Variants in KCNAB1 observed in about 807,000 individuals in gnomAD.
KCNAB1 encodes potassium voltage-gated channel subfamily A regulatory beta subunit 1, also known as voltage-gated potassium channel subunit beta-1.
KCNAB1 carries 35 observed loss-of-function variants against 64.6 expected under a neutral mutation model. The ratio of observed to expected loss-of-function variants is 0.54; its 90% CI spans 0.41 to 0.72. The LOEUF is 0.72. Among genes scored for constraint, KCNAB1 ranks in the 30% least tolerant of loss-of-function variants. KCNAB1 has a pLI of 0.00. For missense variants in KCNAB1, 401 were observed against 512.9 expected (o/e 0.78, Z 2.11); for synonymous variants, 177 against 183.8 (o/e 0.96, Z 0.30).
At chr3:156,152,618 G>A (rs1241585569) in intron 1 of KCNAB1, among the ~76,000 whole-genome samples, 1 of 152,194 alleles carries the variant, frequency 6.6e-6, no homozygotes, top group African/African-American at 2.4e-5. Context: ...TAAGGCAGAT[G>A]AGATAGAAGC....
intron 1 of KCNAB1, among the ~76,000 whole-genome samples, chr3:156,175,313 A>G (rs1360386583): frequency 1.3e-5 from 2 of 152,184 alleles, no homozygotes; most frequent in African/African-American, 4.8e-5. Flanking sequence ...AAAGAAAAAG[A>G]AAAAATAAAA....
At chr3:156,412,484 A>C (rs1468644599) in intron 1 of KCNAB1, among the ~76,000 whole-genome samples, 1 of 152,214 alleles carries the variant, frequency 6.6e-6, no homozygotes, top group East Asian at 1.9e-4. Flanking sequence ...GAGAGTTAAG[A>C]AAGGCTTCTC....
chr3:156,517,929 C>G (rs1717665610), intron 11 of KCNAB1, among the ~76,000 whole-genome samples: 1 of 152,196 alleles, frequency 6.6e-6, no homozygotes, highest in African/African-American at 2.4e-5. Flanking sequence ...GGTCTCCTGG[C>G]TCTCAAGTTA....
Position 156,404,320 on chromosome 3 carries a change from T to C in KCNAB1, c.276-17296T>C, listed in dbSNP as rs535072381. 9.9e-5 allele frequency among the ~76,000 whole-genome samples: 15 copies of C among 152,248 alleles called. No individual in the cohort carries two copies. In the South Asian group the frequency reaches 2.3e-3, roughly 23 times the overall value. On this transcript the variant is annotated intron_variant, in intron 1 of 13. Transcript: ENST00000490337. ...TTTTTCTTTACTGCATAACTGAGTA[T>C]GCAGTTATGCTTCAACCGAGTTCTT...
intron 1 of KCNAB1, among the ~76,000 whole-genome samples, chr3:156,191,544 C>T (rs762617731): frequency 6.6e-6 from 1 of 152,280 alleles, no homozygotes; most frequent in Middle Eastern, 3.4e-3. Flanking sequence ...AATTTAAAGA[C>T]ACACAATACA....
chr3:156,511,387 G>A (rs1717201470), intron 8 of KCNAB1, among the ~76,000 whole-genome samples: 1 of 152,152 alleles, frequency 6.6e-6, no homozygotes, highest in Admixed American at 6.5e-5. Context: ...ACAGGTGTGA[G>A]CCACCGTGCC....
rs5853744 is a variant in KCNAB1, at chr3:156,213,215, C to CTT, written c.275+92342_275+92343dup. Among the ~76,000 whole-genome samples the CTT allele has an allele frequency of 3.8e-3, 545 of 142,800 alleles. 4 individuals are homozygous for CTT. Among genetic ancestry groups the CTT allele is most frequent in the African/African-American group, 8.6e-3 (334 of 38,854 alleles). The allele number at this position is 142,800 out of a possible 152,430, so 93.7% of individuals were successfully genotyped here. A position where few individuals can be genotyped will look rare whatever the true frequency, so the allele number is the denominator to read the frequency against. On this transcript the variant is annotated intron_variant, in intron 1 of 13. Transcript: ENST00000490337. Reference sequence around the variant, plus strand: ...TGTGGAGTCCTATCAGTCTCTTTCACTTTTTTTTTTTTTTGTCTTTTGAGA... The same window carrying CTT: ...TGTGGAGTCCTATCAGTCTCTTTCACTTTTTTTTTTTTTTTTGTCTTTTGAGA...
At chr3:156,473,758 C>T (rs1441493997) in intron 7 of KCNAB1, among the ~76,000 whole-genome samples, 1 of 152,116 alleles carries the variant, frequency 6.6e-6, no homozygotes, top group African/African-American at 2.4e-5. Context: ...CCTCATTTAA[C>T]ATGCAATTAA....
chr3:156,129,373 T>TAAA (rs1713863136), intron 1 of KCNAB1, among the ~76,000 whole-genome samples: 2 of 152,258 alleles, frequency 1.3e-5, no homozygotes, highest in Non-Finnish European at 2.9e-5. Flanking sequence ...TAGCCTTAGC[T>TAAA]ATACAGCTTA....
At chr3:156,143,569 G>GGTTTTTTTT in intron 1 of KCNAB1, 4 of 292,188 alleles carry the variant, frequency 1.4e-5, no homozygotes, top group Non-Finnish European at 1.8e-5. Flanking sequence ...TTGCATTCTT[G>GGTTTTTTTT]TTTTTTTTTT....
chr3:156,354,334 G>T (rs1725088802), intron 1 of KCNAB1, among the ~76,000 whole-genome samples: 1 of 150,922 alleles, frequency 6.6e-6, no homozygotes, highest in Non-Finnish European at 1.5e-5. Flanking sequence ...AGCTAATTTT[G>T]TATTTTTAGT....
chr3:156,376,170 G>T (rs995718384), intron 1 of KCNAB1, among the ~76,000 whole-genome samples: 15 of 152,222 alleles, frequency 9.9e-5, no homozygotes, highest in African/African-American at 3.4e-4. Flanking sequence ...TATGTATGGG[G>T]CTTTATGCCA....
At position 156,457,649 on chromosome 3, in the gene KCNAB1, C is replaced by T. The variant is rs1210421967; in HGVS notation, c.437+117C>T. The T allele has an allele frequency of 6.8e-6, 6 of 878,866 alleles. No homozygotes were observed. In the African/African-American group the frequency reaches 9.8e-5, roughly 14 times the overall value. The allele number at this position is 878,866 out of a possible 1,614,324, so 54.4% of individuals were successfully genotyped here. A position where few individuals can be genotyped will look rare whatever the true frequency, so the allele number is the denominator to read the frequency against. On this transcript the variant is annotated intron_variant, in intron 4 of 13. Coordinates refer to ENST00000490337, the MANE Select transcript of KCNAB1 (RefSeq NM_172160.3). ...CTGTCCTTTCTCCACGTGTTGGCAG[C>T]TCTGCTCTGTTCTGCCCTCTACCAC...
intron 11 of KCNAB1, among the ~76,000 whole-genome samples, chr3:156,518,995 C>G (rs1370413214): frequency 6.6e-6 from 1 of 152,178 alleles, no homozygotes; most frequent in Non-Finnish European, 1.5e-5. Flanking sequence ...CAAAGCATTA[C>G]CTCAGACTGC....
chr3:156,171,187 GCACACATACACACACACA>G (rs1411099498), intron 1 of KCNAB1, among the ~76,000 whole-genome samples: 1 of 142,816 alleles, frequency 7.0e-6, no homozygotes, highest in East Asian at 2.1e-4. Flanking sequence ...GAAACTTCAC[GCACACATACACACACACA>G]CACACACACA....
rs191416747 is a variant in KCNAB1 at position 156,135,397 on chromosome 3, T to G, written c.275+14511T>G. 4.5e-3 allele frequency among the ~76,000 whole-genome samples: 682 copies of G among 152,328 alleles called. 3 individuals carry two copies. Among genetic ancestry groups the G allele is most frequent in the Non-Finnish European group, 4.0e-3 (273 of 68,028 alleles). ...AACTATTAGGCTGCCAGGCAAAGAT[T>G]TAAGTCCTTGTCCACTAAGCCCATG... On this transcript the variant is annotated intron_variant, in intron 1 of 13. Transcript: ENST00000490337.
intron 1 of KCNAB1, among the ~76,000 whole-genome samples, chr3:156,359,147 CTGTT>C (rs1258916929): frequency 1.3e-5 from 2 of 152,198 alleles, no homozygotes; most frequent in African/African-American, 2.4e-5. Context: ...CAAAATCATA[CTGTT>C]TGAGTCATTC....
At chr3:156,501,422 CTTTTTTTTTTTTTTTTT>C (rs34628325) in intron 8 of KCNAB1, among the ~76,000 whole-genome samples, 1 of 82,524 alleles carries the variant, frequency 1.2e-5, no homozygotes, top group East Asian at 3.9e-4. Flanking sequence ...GACTTAGTAC[CTTTTTTTTTTTTTTTTT>C]TTTTTTTTTG....
intron 1 of KCNAB1, among the ~76,000 whole-genome samples, chr3:156,354,125 T>TAG (rs1725066081): frequency 7.3e-6 from 1 of 137,566 alleles, no homozygotes; most frequent in African/African-American, 3.0e-5. Context: ...TGTGTGTATA[T>TAG]ATATATATAT....
Sources: gnomAD v4.1 joint callset for allele counts (sites outside exome capture counted in the v4.1 genomes callset) on GRCh38, gnomAD v4.1.1 for gene constraint, MANE v1.5 for transcripts, NCBI Gene and HGNC (gene_info 2026-07-23, HGNC 2026-07-21) for gene names.